ATRNL1: variants seen among roughly 807,000 people sequenced by gnomAD.
ATRNL1 encodes attractin-like protein 1.
A neutral mutation model predicts 182.7 loss-of-function variants in ATRNL1; 95 were observed. That is an observed-to-expected ratio of 0.52 (90% confidence interval 0.44 to 0.62). ATRNL1 has a LOEUF of 0.62. Among genes scored for constraint, ATRNL1 ranks in the 20% least tolerant of loss-of-function variants. ATRNL1 has a pLI of 0.00. For missense variants in ATRNL1, 1,471 were observed against 1,679.5 expected, an observed-to-expected ratio of 0.88 and a Z score of 2.17; for synonymous variants, 576 against 568.3, an observed-to-expected ratio of 1.01 and a Z score of -0.19.
At chr10:115,096,206 C>T (rs1305956212) in intron 1 of ATRNL1, among the ~76,000 whole-genome samples, 1 of 152,138 alleles carries the variant, frequency 6.6e-6, no homozygotes, top group East Asian at 1.9e-4. Context: ...TCCTAGGACT[C>T]ATTGTACTCT....
intron 26 of ATRNL1, among the ~76,000 whole-genome samples, chr10:115,588,121 A>G (rs1278698960): frequency 1.3e-5 from 2 of 152,158 alleles, no homozygotes; most frequent in Non-Finnish European, 1.5e-5. Flanking sequence ...AAGAGACAGT[A>G]CTGTTGAAAA....
intron 28 of ATRNL1, among the ~76,000 whole-genome samples, chr10:115,882,941 A>T (rs2901094): frequency 6.6e-6 from 1 of 152,074 alleles, no homozygotes; most frequent in East Asian, 1.9e-4. Flanking sequence ...GGCTGTTTGA[A>T]CTTTCTGGCT....
chr10:115,332,653 A>G (rs1177839995), intron 18 of ATRNL1, among the ~76,000 whole-genome samples: 1 of 152,194 alleles, frequency 6.6e-6, no homozygotes, highest in East Asian at 1.9e-4. Context: ...ATGTGTTACA[A>G]TAGACTTGCA....
rs868946028 is a variant in ATRNL1, at chr10:115,377,589, T to G, written c.3176-17070T>G. ...TGGGCGTTAGTTACTGGAGCTTTTG[T>G]GGTATCATATTTTTCTGACTTTTTC... On this transcript the variant is annotated intron_variant, in intron 19 of 28. Coordinates refer to ENST00000355044, the MANE Select transcript of ATRNL1 (RefSeq NM_207303.4). Among the ~76,000 whole-genome samples the G allele has an allele frequency of 2.6e-5, 4 of 152,324 alleles. 1 individual carries two copies. The Middle Eastern group carries it at 0.014, about 518-fold the overall frequency.
intron 15 of ATRNL1, 133 bp from the exon 16 acceptor site, chr10:115,299,901 C>T (rs1288030262): frequency 1.6e-6 from 1 of 631,374 alleles, no homozygotes; most frequent in East Asian, 2.8e-5. Flanking sequence ...ATTCTTAGTA[C>T]TAAAACTCAT....
intron 26 of ATRNL1, among the ~76,000 whole-genome samples, chr10:115,577,574 C>T (rs1189800512): frequency 1.4e-5 from 2 of 146,840 alleles, no homozygotes; most frequent in Non-Finnish European, 3.0e-5. Flanking sequence ...TGATTTTGTA[C>T]CCTACTACTT....
chr10:115,309,008 G>T (rs1211575974), intron 17 of ATRNL1, among the ~76,000 whole-genome samples: 1 of 152,024 alleles, frequency 6.6e-6, no homozygotes, highest in Non-Finnish European at 1.5e-5. Flanking sequence ...TTATTGAATA[G>T]GGTGTCCTTT....
chr10:115,797,568 C>T (rs1345953461), intron 27 of ATRNL1, among the ~76,000 whole-genome samples: 1 of 150,532 alleles, frequency 6.6e-6, no homozygotes, highest in Non-Finnish European at 1.5e-5. Context: ...GTCCCTGCAT[C>T]ATGGAATGTA....
At chr10:115,868,232 T>C (rs1313038773) in intron 28 of ATRNL1, among the ~76,000 whole-genome samples, 1 of 152,228 alleles carries the variant, frequency 6.6e-6, no homozygotes, top group Non-Finnish European at 1.5e-5. Flanking sequence ...CTCCTTTGCC[T>C]TCTCTTTCAT....
At chr10:115,456,659 T>C (rs648414) in intron 21 of ATRNL1, among the ~76,000 whole-genome samples, 2,446 of 152,230 alleles carry the variant, frequency 0.016, 67 homozygotes, top group African/African-American at 0.055. Context: ...TTTTGAATAG[T>C]AATATATGTA....
intron 27 of ATRNL1, 34 bp from the exon 28 acceptor site, chr10:115,847,843 A>G (rs889907926): frequency 4.1e-6 from 5 of 1,209,674 alleles, no homozygotes; most frequent in Non-Finnish European, 6.1e-6. Context: ...TGCTATGTCA[A>G]TTTTGCAAAC....
At position 115,466,324 on chromosome 10, in the gene ATRNL1, G is replaced by C. The variant is rs548900512; in HGVS notation, c.3418-850G>C. Among the ~76,000 whole-genome samples, 42 of 151,424 alleles carry C rather than the reference G, an allele frequency of 2.8e-4. No homozygotes were observed. The South Asian group carries it at 8.5e-3, about 31-fold the overall frequency. ...CCGTTTCACTAGCTAGATCTTAGCA[G>C]TATAGAATTTTCTACAAGTCTTTGT... On this transcript the variant is annotated intron_variant, in intron 22 of 28. Coordinates refer to ENST00000355044, the MANE Select transcript of ATRNL1 (RefSeq NM_207303.4).
chr10:115,495,568 A>G (rs1849503704), intron 24 of ATRNL1, among the ~76,000 whole-genome samples: 1 of 152,116 alleles, frequency 6.6e-6, no homozygotes, highest in African/African-American at 2.4e-5. Flanking sequence ...ACTTAATATC[A>G]TTGATTACCC....
At chr10:115,927,798 T>A (rs1439242966) in intron 28 of ATRNL1, among the ~76,000 whole-genome samples, 1 of 152,078 alleles carries the variant, frequency 6.6e-6, no homozygotes, top group Non-Finnish European at 1.5e-5. Flanking sequence ...GTTTTCATGC[T>A]ATTTGTTAAA....
intron 10 of ATRNL1, among the ~76,000 whole-genome samples, chr10:115,253,251 G>T (rs2133848146): frequency 6.6e-6 from 1 of 152,276 alleles, no homozygotes; most frequent in African/African-American, 2.4e-5. Context: ...ACCCTGTAAG[G>T]ATTGACTGAA....
At chr10:115,187,243 C>G (rs1847978011) in intron 8 of ATRNL1, among the ~76,000 whole-genome samples, 1 of 151,874 alleles carries the variant, frequency 6.6e-6, no homozygotes, top group Non-Finnish European at 1.5e-5. Flanking sequence ...GCTTACCCAC[C>G]CCTACCTTAC....
chr10:115,708,460 T>C (rs7909272), intron 26 of ATRNL1, among the ~76,000 whole-genome samples: 57,205 of 151,538 alleles, frequency 0.38, 11,723 homozygotes, highest in East Asian at 0.65. Flanking sequence ...ACAAAATCTA[T>C]ATACGTTGAT....
chr10:115,277,487 A>ATAACTTAATTT, intron 13 of ATRNL1, among the ~76,000 whole-genome samples: 1 of 152,252 alleles, frequency 6.6e-6, no homozygotes, highest in African/African-American at 2.4e-5. Context: ...TAGGATAGCT[A>ATAACTTAATTT]TAACTTAATT....
chr10:115,853,893 A>G (rs1205364203), intron 28 of ATRNL1, among the ~76,000 whole-genome samples: 1 of 152,230 alleles, frequency 6.6e-6, no homozygotes, highest in Non-Finnish European at 1.5e-5. Context: ...GTCAAAAAAT[A>G]TCTGATATTA....
Sources: allele counts gnomAD v4.1 joint callset (sites outside exome capture counted in the v4.1 genomes callset), GRCh38; gene constraint gnomAD v4.1.1; transcripts MANE v1.5; gene names NCBI Gene and HGNC (gene_info 2026-07-23, HGNC 2026-07-21).